The following PKP3 variants were observed in gnomAD, a reference collection of about 807,000 sequenced individuals.
PKP3 encodes the protein plakophilin 3.
PKP3 carries 66 observed loss-of-function variants against 76.5 expected under a neutral mutation model. The ratio of observed to expected loss-of-function variants is 0.86; its 90% CI spans 0.71 to 1.06. The LOEUF is 1.06. PKP3 is among the 50% of genes least tolerant of loss of function. The probability of loss-of-function intolerance (pLI) is 0.00; values close to 1 mark genes in which losing one functional copy is unlikely to be tolerated. For missense variants in PKP3, 1,338 were observed against 1,141.0 expected, an observed-to-expected ratio of 1.17 and a Z score of -2.49; for synonymous variants, 638 against 516.5, an observed-to-expected ratio of 1.24 and a Z score of -3.19.
Position 394,234 on chromosome 11 carries a change from C to A in PKP3, c.-59C>A, listed in dbSNP as rs1043238720. The A allele has an allele frequency of 3.5e-6, 5 of 1,436,396 alleles. No individual in the cohort carries two copies. The highest frequency in any genetic ancestry group is 1.9e-4 in the Middle Eastern group (1 of 5,140). 89.0% of individuals were successfully genotyped at this position (1,436,396 alleles called of 1,614,324 possible). A position where few individuals can be genotyped will look rare whatever the true frequency, so the allele number is the denominator to read the frequency against. ...AGGGAGAGGGCCTCGAGGGACAGGACGTGAAGATAGTTGGGTTTGGAGGCG... is the reference window on the plus strand; with the variant it reads ...AGGGAGAGGGCCTCGAGGGACAGGAAGTGAAGATAGTTGGGTTTGGAGGCG... On this transcript the variant is annotated 5_prime_UTR_variant, in exon 1 of 13. Coordinates refer to ENST00000331563, the MANE Select transcript of PKP3 (RefSeq NM_007183.4).
chr11:396,804 C>G lies in PKP3; in HGVS notation c.313-10C>G. On this transcript the variant is annotated splice_polypyrimidine_tract_variant and intron_variant, in intron 2 of 12. Coordinates refer to ENST00000331563, the MANE Select transcript of PKP3 (RefSeq NM_007183.4). ...CAGGCACGCCCTCACCGCCCCCTCT[C>G]GACCCACAGGGCTTCCGGCCCATCG... 1 of 1,573,050 alleles carries G rather than the reference C, an allele frequency of 6.4e-7. No homozygotes were observed. Among genetic ancestry groups the G allele is most frequent in the Non-Finnish European group, 8.6e-7 (1 of 1,163,374 alleles).
rs758285473 is a variant in PKP3 at position 397,621 on chromosome 11, A to G, written c.1027A>G (p.Ile343Val). ...PNLQVLGAAYIQHKCYSDAAA... is the reference protein window; with the variant it reads ...PNLQVLGAAYVQHKCYSDAAA... Reference sequence around the variant, plus strand: ...CCTGCAGGTGCTGGGAGCGGCCTACATCCAGCACAAGTGCTACAGCGATGC... The same window carrying G: ...CCTGCAGGTGCTGGGAGCGGCCTACGTCCAGCACAAGTGCTACAGCGATGC... Residue 343 changes from isoleucine (I) to valine (V), a missense_variant, in exon 4 of 13, where the codon ATC becomes GTC. By Grantham distance (29) the Ile-to-Val change is conservative. Coordinates refer to ENST00000331563, the MANE Select transcript of PKP3 (RefSeq NM_007183.4). 9.9e-6 allele frequency: 16 copies of G among 1,611,972 alleles called. No individual in the cohort carries two copies. In the South Asian group the frequency reaches 1.8e-4, roughly 18 times the overall value.
In PKP3 at chr11:397,606, C is replaced by T. The variant is rs1171072673; in HGVS notation, c.1012C>T (p.Leu338=). ...LMASDPNLQV[L]GAAYIQHKCY... The stretch of plus-strand genomic sequence containing the variant: ...GGCTTCAGACCCCAACCTGCAGGTG[C>T]TGGGAGCGGCCTACATCCAGCACAA... Residue 338 remains leucine, a synonymous_variant, in exon 4 of 13, where the codon CTG becomes TTG. Coordinates refer to ENST00000331563, the MANE Select transcript of PKP3 (RefSeq NM_007183.4). 1.9e-6 allele frequency: 3 copies of T among 1,611,930 alleles called. No individual in the cohort carries two copies. The highest frequency in any genetic ancestry group is 1.3e-5 in the African/African-American group (1 of 74,812).
chr11:396,694 G>C lies in PKP3; in HGVS notation c.312+7G>C, dbSNP rs557800083. On this transcript the variant is annotated splice_region_variant and intron_variant, in intron 2 of 12. Transcript: ENST00000331563. ...GAGTGGGGACAAGACCTCGGTGAGC[G>C]ATGGGCCCAGCCCGAGGGGGACGAT... 1.9e-6 allele frequency: 3 copies of C among 1,607,928 alleles called. No individual in the cohort carries two copies. Among genetic ancestry groups the C allele is most frequent in the East Asian group, 2.2e-5 (1 of 44,852 alleles).
chr11:399,228 C>A (rs991858459), intron 5 of PKP3, 32 bp downstream of exon 5: 11 of 1,444,648 alleles, frequency 7.6e-6, no homozygotes, highest in Non-Finnish European at 1.0e-5. Flanking sequence ...ACCTGTCCTT[C>A]CTCCACCTGC....
Position 404,761 on chromosome 11 carries a change from C to T in PKP3, c.*192C>T, listed in dbSNP as rs1470202190. ...GGTCTTATAGCTGGGGACTTGGCTT[C>T]CGCAGGGCAGGGGGTGGGGCAGGGC... On this transcript the variant is annotated 3_prime_UTR_variant, in exon 13 of 13. Coordinates refer to ENST00000331563, the MANE Select transcript of PKP3 (RefSeq NM_007183.4). The surrounding 1 kb of genome is among the most constrained non-coding windows in gnomAD (Gnocchi z 4.2). 3.3e-6 allele frequency: 2 copies of T among 600,558 alleles called. No individual in the cohort carries two copies. The highest frequency in any genetic ancestry group is 2.9e-5 in the Admixed American group (1 of 34,004). 37.2% of individuals were successfully genotyped at this position (600,558 alleles called of 1,614,324 possible).
At position 397,411 on chromosome 11, in the gene PKP3, G is replaced by T; in HGVS notation, c.910G>T (p.Gly304Cys). The T allele has an allele frequency of 6.2e-7, 1 of 1,612,132 alleles. No homozygotes were observed. The highest frequency in any genetic ancestry group is 8.5e-7 in the Non-Finnish European group (1 of 1,179,698). Residue 304 changes from glycine (G) to cysteine (C), a missense_variant, in exon 3 of 13, where the codon GGT becomes TGT. Coordinates refer to ENST00000331563, the MANE Select transcript of PKP3 (RefSeq NM_007183.4). ...LPDVHGFNSY[G>C]SHRTLQRLSS... ...GGACGTGCATGGGTTCAACAGCTACGGTAGCCACCGAACCCTGCAGAGACT... is the reference window on the plus strand; with the variant it reads ...GGACGTGCATGGGTTCAACAGCTACTGTAGCCACCGAACCCTGCAGAGACT...
In PKP3 at chr11:403,752, T is replaced by G; in HGVS notation, c.2058T>G (p.Ala686=). The G allele has an allele frequency of 6.2e-7, 1 of 1,607,876 alleles. No homozygotes were observed. The highest frequency in any genetic ancestry group is 8.5e-7 in the Non-Finnish European group (1 of 1,179,818). The change falls in exon 10 of 13, where the codon GCT becomes GCG. Residue 686 remains alanine, a synonymous_variant. Transcript: ENST00000331563. ...TCATCCGAAACCTGTCTCGGAACGC[T>G]AGGAACAAGGACGAGATGTGTGAGT... ...TGLIRNLSRN[A]RNKDEMSTKV...
Position 404,153 on chromosome 11 carries a change from C to G in PKP3, c.2270+18C>G. ...CGGGACAGGTAGGGGCCGACCCAGC[C>G]GTGCAGCAGCCTGGTCAGGGGTCCT... On this transcript the variant is annotated intron_variant, in intron 11 of 12. Transcript: ENST00000331563. The surrounding 1 kb of genome is among the most constrained non-coding windows in gnomAD (Gnocchi z 4.2). 1.2e-6 allele frequency: 2 copies of G among 1,607,852 alleles called. No individual in the cohort carries two copies. Among genetic ancestry groups the G allele is most frequent in the African/African-American group, 1.3e-5 (1 of 74,954 alleles).
At chr11:398,123 C>T (rs552448226) in intron 4 of PKP3, among the ~76,000 whole-genome samples, 79 of 59,124 alleles carry the variant, frequency 1.3e-3, no homozygotes, top group Middle Eastern at 0.033. Flanking sequence ...TGTCACCTCC[C>T]TACCCCCACA....
At chr11:399,334 G>GC (rs1466455325) in intron 5 of PKP3, 138 bp downstream of exon 5, 3 of 256,366 alleles carry the variant, frequency 1.2e-5, no homozygotes, top group South Asian at 3.9e-5. Flanking sequence ...TCTGCCACCT[G>GC]CCCCCCTACT....
Position 403,610 on chromosome 11 carries a change from C to T in PKP3, c.1924-8C>T, listed in dbSNP as rs1847195990. Reference sequence around the variant, plus strand: ...CCGGGTCACGGCTCACACCCTCCCTCCCCACAGTGGGCGGGGGTGCTGAGC... The same window carrying T: ...CCGGGTCACGGCTCACACCCTCCCTTCCCACAGTGGGCGGGGGTGCTGAGC... On this transcript the variant is annotated splice_polypyrimidine_tract_variant and splice_region_variant and intron_variant, in intron 9 of 12. Coordinates refer to ENST00000331563, the MANE Select transcript of PKP3 (RefSeq NM_007183.4). 2 of 1,602,700 alleles carry T rather than the reference C, an allele frequency of 1.2e-6. No individual in the cohort carries two copies. Among genetic ancestry groups the T allele is most frequent in the Non-Finnish European group, 1.7e-6 (2 of 1,179,262 alleles).
At position 397,154 on chromosome 11, in the gene PKP3, A is replaced by G. The variant is rs771488104; in HGVS notation, c.653A>G (p.Gln218Arg). Residue 218 changes from glutamine to arginine, a missense_variant, in exon 3 of 13, where the codon CAG becomes CGG. Transcript: ENST00000331563. ...STYRAFAYER[Q>R]ASSSSSRAGG... is the part of the protein sequence containing the mutation. The stretch of plus-strand genomic sequence containing the variant: ...TACAGGGCCTTTGCGTACGAGCGCC[A>G]GGCCAGCTCCAGCTCCAGCCGGGCA... 2.5e-6 allele frequency: 4 copies of G among 1,597,954 alleles called. No homozygotes were observed. The highest frequency in any genetic ancestry group is 2.2e-5 in the East Asian group (1 of 44,842).
In PKP3 at chr11:396,909, C is replaced by G. The variant is rs776691920; in HGVS notation, c.408C>G (p.Ala136=). The change falls in exon 3 of 13, where the codon GCC becomes GCG. Residue 136 remains alanine, a synonymous_variant. Transcript: ENST00000331563. ...GCTGCAGTCGGAGGCTGAGTTCAGC[C>G]CACAACGGGGGCAGCGCCTTTGGGG... ...DLSCSRRLSS[A]HNGGSAFGAA... is the part of the protein sequence containing the mutation. 1 of 1,597,504 alleles carries G rather than the reference C, an allele frequency of 6.3e-7. No individual in the cohort carries two copies. The highest frequency in any genetic ancestry group is 1.7e-5 in the Admixed American group (1 of 58,918).
At position 403,067 on chromosome 11, in the gene PKP3, G is replaced by C. The variant is rs765430232; in HGVS notation, c.1738-11G>C. The C allele has an allele frequency of 2.3e-6, 3 of 1,299,106 alleles. No homozygotes were observed. The highest frequency in any genetic ancestry group is 2.1e-5 in the African/African-American group (1 of 48,408). The allele number at this position is 1,299,106 out of a possible 1,614,324, so 80.5% of individuals were successfully genotyped here. A position where few individuals can be genotyped will look rare whatever the true frequency, so the allele number is the denominator to read the frequency against. On this transcript the variant is annotated splice_polypyrimidine_tract_variant and intron_variant, in intron 8 of 12. Transcript: ENST00000331563. ...ACCCCGACCCCGCCGACTCCTCCCC[G>C]CCCTGCGCAGCTGCCCCTCGCCGCC...
Position 400,558 on chromosome 11 carries a change from C to T in PKP3, c.1590C>T (p.Val530=), listed in dbSNP as rs1847136422. 1.3e-6 allele frequency: 2 copies of T among 1,495,684 alleles called. No homozygotes were observed. Among genetic ancestry groups the T allele is most frequent in the Non-Finnish European group, 1.8e-6 (2 of 1,129,820 alleles). The allele number at this position is 1,495,684 out of a possible 1,614,324, so 92.7% of individuals were successfully genotyped here. The change falls in exon 8 of 13, where the codon GTC becomes GTT. Residue 530 remains valine, a synonymous_variant. Coordinates refer to ENST00000331563, the MANE Select transcript of PKP3 (RefSeq NM_007183.4). ...EDKSVENAVC[V]LRNLSYRLYD... ...AGAGCGTGGAGAACGCGGTGTGCGTCCTGCGGAACCTGTCCTACCGCCTCT... is the reference window on the plus strand; with the variant it reads ...AGAGCGTGGAGAACGCGGTGTGCGTTCTGCGGAACCTGTCCTACCGCCTCT...
Position 400,541 on chromosome 11 carries a change from G to T in PKP3, c.1573G>T (p.Glu525Ter). 6.7e-7 allele frequency: 1 copy of T among 1,493,160 alleles called. No individual in the cohort carries two copies. Among genetic ancestry groups the T allele is most frequent in the Non-Finnish European group, 8.9e-7 (1 of 1,128,570 alleles). The allele number at this position is 1,493,160 out of a possible 1,614,324, so 92.5% of individuals were successfully genotyped here. Residue 525 changes from glutamate (E) to a stop codon, truncating the protein, a stop_gained, in exon 8 of 13, where the codon GAG becomes TAG. Transcript: ENST00000331563. LOFTEE classifies it high-confidence loss of function. ...DAGKCEDKSVENAVCVLRNLS... is the reference protein window; with the variant it reads ...DAGKCEDKSV ...CCCGCGCCCCCGCCCGCAGAGCGTGGAGAACGCGGTGTGCGTCCTGCGGAA... is the reference window on the plus strand; with the variant it reads ...CCCGCGCCCCCGCCCGCAGAGCGTGTAGAACGCGGTGTGCGTCCTGCGGAA...
At chr11:397,757 T>G in intron 4 of PKP3, 95 bp downstream of exon 4, 11 of 1,287,336 alleles carry the variant, frequency 8.5e-6, no homozygotes, top group Non-Finnish European at 1.1e-5. Context: ...GCACCCCTCA[T>G]GATCCCCAAG....
In PKP3 at chr11:404,613, G is replaced by A. The variant is rs760752000; in HGVS notation, c.*44G>A. 6.3e-7 allele frequency: 1 copy of A among 1,594,118 alleles called. No individual in the cohort carries two copies. Among genetic ancestry groups the A allele is most frequent in the Non-Finnish European group, 8.6e-7 (1 of 1,163,358 alleles). On this transcript the variant is annotated 3_prime_UTR_variant, in exon 13 of 13. Transcript: ENST00000331563. The surrounding 1 kb of genome is among the most constrained non-coding windows in gnomAD (Gnocchi z 4.2). ...GAAGGTGACGTGGCCCAGCGTCCAAGGGACAGACTCAGCTCCAGGCTGCTT... is the reference window on the plus strand; with the variant it reads ...GAAGGTGACGTGGCCCAGCGTCCAAAGGACAGACTCAGCTCCAGGCTGCTT...
Sources: allele counts gnomAD v4.1 joint callset (sites outside exome capture counted in the v4.1 genomes callset), GRCh38; gene constraint gnomAD v4.1.1; non-coding constraint Gnocchi (gnomAD v3.1); transcripts MANE v1.5; gene names NCBI Gene and HGNC (gene_info 2026-07-23, HGNC 2026-07-21).